PITPNM2: variants seen among roughly 807,000 people sequenced by gnomAD.
PITPNM2 encodes the protein phosphatidylinositol transfer protein membrane associated 2.
PITPNM2 carries 35 observed loss-of-function variants against 132.2 expected under a neutral mutation model. That is an observed-to-expected ratio of 0.26 (90% CI 0.20 to 0.35). The LOEUF is 0.35. PITPNM2 is among the 10% of genes least tolerant of loss of function. The pLI is 1.00. For synonymous variants in PITPNM2, 738 were observed against 799.2 expected (o/e 0.92, Z 1.29); for missense variants, 1,332 against 1,912.0 (o/e 0.70, Z 5.66).
At chr12:123,039,170 G>A (rs528115505) in intron 2 of PITPNM2, among the ~76,000 whole-genome samples, 29 of 152,228 alleles carry the variant, frequency 1.9e-4, no homozygotes, top group African/African-American at 7.0e-4. Flanking sequence ...GAGGTGAGAG[G>A]ATGGCTTGAG....
rs944584272 is a variant in PITPNM2 at position 123,111,854 on chromosome 12, T to G, written c.-199-1366A>C. On this transcript the variant is annotated intron_variant, in intron 1 of 25. Transcript: ENST00000320201. This position sits in a 1 kb window ranked among gnomAD's most constrained non-coding sequence, Gnocchi z 4.1. The stretch of plus-strand genomic sequence containing the variant: ...AGCAAGCTGGCCTTCCAGCCTTGCC[T>G]CTACATGCCACCGTAGGCCACAGTT... Among the ~76,000 whole-genome samples, 1 of 152,212 alleles carries G rather than the reference T, an allele frequency of 6.6e-6. No individual in the cohort carries two copies. Among genetic ancestry groups the G allele is most frequent in the Non-Finnish European group, 1.5e-5 (1 of 68,030 alleles).
intron 3 of PITPNM2, among the ~76,000 whole-genome samples, chr12:123,018,057 TTCTCTC>T (rs1028425783): frequency 7.9e-6 from 1 of 126,618 alleles, no homozygotes; most frequent in Non-Finnish European, 1.7e-5. Context: ...CCTCCCTCTT[TTCTCTC>T]TCTCTCTCTC....
intron 3 of PITPNM2, among the ~76,000 whole-genome samples, chr12:123,017,998 TCC>T (rs2039496246): frequency 8.3e-6 from 1 of 119,960 alleles, no homozygotes; most frequent in Non-Finnish European, 1.6e-5. Context: ...CTTCCTTCCT[TCC>T]TTCCTTCCTT....
chr12:123,013,303 T>C (rs2039288844), intron 4 of PITPNM2, among the ~76,000 whole-genome samples: 1 of 152,214 alleles, frequency 6.6e-6, no homozygotes, highest in African/African-American at 2.4e-5. Flanking sequence ...CTCCCATCTA[T>C]TCAACTCAGC....
At chr12:123,007,149 T>C (rs935928202) in intron 6 of PITPNM2, among the ~76,000 whole-genome samples, 2 of 152,176 alleles carry the variant, frequency 1.3e-5, no homozygotes, top group African/African-American at 2.4e-5. Flanking sequence ...CAGGCTGGTA[T>C]GGCTGTTGCT....
At position 123,018,038 on chromosome 12, in the gene PITPNM2, C is replaced by CCTT. The variant is rs1566250258; in HGVS notation, c.79-3997_79-3996insAAG. On this transcript the variant is annotated intron_variant, in intron 3 of 25. Transcript: ENST00000320201. ...TTCCTTCCTTCCTTCCTTCCTTCCTCCCTCCCTCCCTCCCTCTTTTCTCTC... is the reference window on the plus strand; with the variant it reads ...TTCCTTCCTTCCTTCCTTCCTTCCTCCTTCCTCCCTCCCTCCCTCTTTTCTCTC... Among the ~76,000 whole-genome samples, 368 of 66,212 alleles carry CCTT rather than the reference C, an allele frequency of 5.6e-3. 3 individuals are homozygous for CCTT. Among genetic ancestry groups the CCTT allele is most frequent in the African/African-American group, 0.019 (307 of 16,052 alleles). 43.4% of individuals were successfully genotyped at this position (66,212 alleles called of 152,430 possible).
rs1384206724 is a variant in PITPNM2 at position 122,993,593 on chromosome 12, A to G, written c.2234-924T>C. On this transcript the variant is annotated intron_variant, in intron 15 of 25. Transcript: ENST00000320201. This position sits in a 1 kb window ranked among gnomAD's most constrained non-coding sequence, Gnocchi z 5.2. ...TGGTTGTGCCAGAATTTATTTAACC[A>G]GCCCCTCCACATAGACGGACATTTA... Among the ~76,000 whole-genome samples, 2 of 152,186 alleles carry G rather than the reference A, an allele frequency of 1.3e-5. No homozygotes were observed. Among genetic ancestry groups the G allele is most frequent in the Non-Finnish European group, 2.9e-5 (2 of 68,026 alleles).
At chr12:123,052,561 A>C (rs2040895835) in intron 2 of PITPNM2, among the ~76,000 whole-genome samples, 1 of 152,204 alleles carries the variant, frequency 6.6e-6, no homozygotes, top group Non-Finnish European at 1.5e-5. Flanking sequence ...TCAAGGCTAC[A>C]TGAGCCATGA....
At position 123,076,875 on chromosome 12, in the gene PITPNM2, C is replaced by T. The variant is rs148548146; in HGVS notation, c.-96+33510G>A. On this transcript the variant is annotated intron_variant, in intron 2 of 25. Coordinates refer to ENST00000320201, the MANE Select transcript of PITPNM2 (RefSeq NM_020845.3). ...TTCTTTGGCCCTCACTTTCCATCAA[C>T]ACGGGAGCTGTTCTTGTTGACAACC... is the stretch of plus-strand genomic sequence containing the variant. 5.1e-3 allele frequency among the ~76,000 whole-genome samples: 779 copies of T among 152,300 alleles called. 6 individuals are homozygous for T. The highest frequency in any genetic ancestry group is 9.0e-3 in the Non-Finnish European group (609 of 68,020).
intron 3 of PITPNM2, among the ~76,000 whole-genome samples, chr12:123,024,733 G>A (rs1021736536): frequency 6.6e-6 from 1 of 152,120 alleles, no homozygotes; most frequent in African/African-American, 2.4e-5. Context: ...AATCTATAGA[G>A]ACAGAAAGCA....
intron 2 of PITPNM2, among the ~76,000 whole-genome samples, chr12:123,037,521 G>A (rs1372061001): frequency 6.6e-6 from 1 of 152,204 alleles, no homozygotes; most frequent in Non-Finnish European, 1.5e-5. Flanking sequence ...GGCAAATGCA[G>A]TGACCCAGAG....
intron 2 of PITPNM2, among the ~76,000 whole-genome samples, chr12:123,094,029 G>A (rs1421776047): frequency 6.6e-6 from 1 of 152,256 alleles, no homozygotes; most frequent in East Asian, 1.9e-4. Flanking sequence ...CAGTGCAGCA[G>A]GCCTGGGGAT....
intron 1 of PITPNM2, among the ~76,000 whole-genome samples, chr12:123,149,601 CG>C (rs2043686562): frequency 6.6e-6 from 1 of 152,104 alleles, no homozygotes; most frequent in Non-Finnish European, 1.5e-5. Context: ...AACTCCAGCC[CG>C]GGAGCTCACC....
chr12:122,990,148 G>A (rs970354180), intron 17 of PITPNM2, among the ~76,000 whole-genome samples, 200 bp from the exon 18 acceptor site: 1 of 152,232 alleles, frequency 6.6e-6, no homozygotes, highest in Admixed American at 6.5e-5. Context: ...CCTGACCACA[G>A]CTGCGAGAAT....
chr12:122,999,104 C>T (rs1272265183), intron 10 of PITPNM2, among the ~76,000 whole-genome samples: 2 of 149,194 alleles, frequency 1.3e-5, no homozygotes, highest in African/African-American at 5.0e-5. Context: ...GAGTGAGACC[C>T]TGTCTCCAAA....
At chr12:123,044,396 T>C (rs898043100) in intron 2 of PITPNM2, among the ~76,000 whole-genome samples, 1 of 152,198 alleles carries the variant, frequency 6.6e-6, no homozygotes, top group Admixed American at 6.5e-5. Flanking sequence ...GAGGGCCCCC[T>C]GAGATGCTTA....
In PITPNM2 at chr12:123,022,093, G is replaced by A. The variant is rs1375949708; in HGVS notation, c.79-8051C>T. ...CCCTGAAGGATGGAGTGAAGAGCCA[G>A]GCCTGGAAAACCCTTCATTTCCGGT... On this transcript the variant is annotated intron_variant, in intron 3 of 25. Coordinates refer to ENST00000320201, the MANE Select transcript of PITPNM2 (RefSeq NM_020845.3). This position sits in a 1 kb window ranked among gnomAD's most constrained non-coding sequence, Gnocchi z 4.9. Among the ~76,000 whole-genome samples, 1 of 152,150 alleles carries A rather than the reference G, an allele frequency of 6.6e-6. No homozygotes were observed. Among genetic ancestry groups the A allele is most frequent in the African/African-American group, 2.4e-5 (1 of 41,424 alleles).
intron 3 of PITPNM2, among the ~76,000 whole-genome samples, chr12:123,019,088 C>T (rs2039566445): frequency 6.6e-6 from 1 of 152,014 alleles, no homozygotes. Flanking sequence ...CTGGCTGGTA[C>T]AAGTTTCTTT....
At chr12:123,040,629 T>C (rs2136526248) in intron 2 of PITPNM2, among the ~76,000 whole-genome samples, 1 of 152,302 alleles carries the variant, frequency 6.6e-6, no homozygotes, top group East Asian at 1.9e-4. Flanking sequence ...TTTGTCTGGT[T>C]AAATTCAAAT....
Sources: allele counts gnomAD v4.1 joint callset (sites outside exome capture counted in the v4.1 genomes callset), GRCh38; gene constraint gnomAD v4.1.1; non-coding constraint Gnocchi (gnomAD v3.1); transcripts MANE v1.5; gene names NCBI Gene and HGNC (gene_info 2026-07-23, HGNC 2026-07-21).